The following CLSTN2 variants were observed in gnomAD, a reference collection of about 807,000 sequenced individuals.
CLSTN2 encodes calsyntenin-2.
In CLSTN2, 48 loss-of-function variants were observed where a neutral mutation model predicts 101.2. That is an observed-to-expected ratio of 0.47 (90% CI 0.38 to 0.60). The LOEUF is 0.60. Among genes scored for constraint, CLSTN2 ranks in the 20% least tolerant of loss-of-function variants. The pLI, the probability that CLSTN2 is intolerant of heterozygous loss-of-function variation, is 0.00. For missense variants in CLSTN2, 1,160 were observed against 1,238.2 expected (o/e 0.94, Z 0.95); for synonymous variants, 481 against 463.6 (o/e 1.04, Z -0.48).
At chr3:140,208,828 G>A (rs1021171997) in intron 2 of CLSTN2, among the ~76,000 whole-genome samples, 3 of 152,108 alleles carry the variant, frequency 2.0e-5, no homozygotes, top group Admixed American at 2.0e-4. Context: ...CTGTACTCAG[G>A]GGGTAGTTGG....
rs1163491941 is a variant in CLSTN2 at position 140,532,327 on chromosome 3, T to C, written c.1348T>C (p.Cys450Arg). 1 of 1,590,528 alleles carries C rather than the reference T, an allele frequency of 6.3e-7. No individual in the cohort carries two copies. Among genetic ancestry groups the C allele is most frequent in the Non-Finnish European group, 8.6e-7 (1 of 1,167,278 alleles). ...AEFHWKLDQI[C>R]DKEWHYYVIN... is the part of the protein sequence containing the mutation. ...TGCTTCTCTTTCCTTTTCTTAGATTTGTGACAAAGAGTGGCACTACTATGT... is the reference window on the plus strand; with the variant it reads ...TGCTTCTCTTTCCTTTTCTTAGATTCGTGACAAAGAGTGGCACTACTATGT... Residue 450 changes from cysteine to arginine, a missense_variant, in exon 9 of 17, where the codon TGT becomes CGT. Physicochemically the swap from Cys to Arg is radical, Grantham distance 180 (BLOSUM62 -3). Coordinates refer to ENST00000458420, the MANE Select transcript of CLSTN2 (RefSeq NM_022131.3).
intron 1 of CLSTN2, among the ~76,000 whole-genome samples, chr3:140,068,431 T>C (rs1317318159): frequency 6.6e-6 from 1 of 152,264 alleles, no homozygotes; most frequent in African/African-American, 2.4e-5. Flanking sequence ...CTACTCCAGA[T>C]GGACTCAAAC....
At position 140,576,430 on chromosome 3, in the gene CLSTN2, A is replaced by G. The variant is rs951325605; in HGVS notation, c.*10177A>G. The G allele has an allele frequency of 3.3e-5, 5 of 152,214 alleles. No individual in the cohort carries two copies. The highest frequency in any genetic ancestry group is 1.2e-4 in the African/African-American group (5 of 41,446). The allele number at this position is 152,214 out of a possible 1,614,324, so 9.4% of individuals were successfully genotyped here. On this transcript the variant is annotated 3_prime_UTR_variant, in exon 17 of 17. Transcript: ENST00000458420. ...CACCTCCAGGCATGATTTTGTAACC[A>G]ATGTAAAGGTTCTGGGTTCAGCCAG...
intron 1 of CLSTN2, among the ~76,000 whole-genome samples, chr3:140,132,345 T>G (rs1407213798): frequency 6.6e-6 from 1 of 152,198 alleles, no homozygotes; most frequent in Non-Finnish European, 1.5e-5. Context: ...CTAATGCAAG[T>G]AACCTCACTT....
chr3:139,952,625 G>A (rs1181726325), intron 1 of CLSTN2, among the ~76,000 whole-genome samples: 1 of 152,126 alleles, frequency 6.6e-6, no homozygotes, highest in African/African-American at 2.4e-5. Flanking sequence ...CCAGACAAAA[G>A]TATTTCTAAA....
intron 2 of CLSTN2, among the ~76,000 whole-genome samples, chr3:140,273,650 C>A (rs1225267323): frequency 6.6e-6 from 1 of 152,102 alleles, no homozygotes; most frequent in Non-Finnish European, 1.5e-5. Context: ...TAAATGGATG[C>A]TAGTTTTTGA....
chr3:140,422,619 A>C (rs968687586), intron 5 of CLSTN2, among the ~76,000 whole-genome samples: 1 of 152,234 alleles, frequency 6.6e-6, no homozygotes, highest in African/African-American at 2.4e-5. Context: ...CAGGTAAGGC[A>C]CATGAGAGGT....
intron 1 of CLSTN2, among the ~76,000 whole-genome samples, chr3:140,148,084 A>G (rs533493696): frequency 5.3e-5 from 8 of 152,228 alleles, no homozygotes; most frequent in Non-Finnish European, 8.8e-5. Context: ...GGATTAAAGT[A>G]GGGATGGAGG....
intron 6 of CLSTN2, among the ~76,000 whole-genome samples, 157 bp from the exon 7 acceptor site, chr3:140,459,364 A>G (rs1933497852): frequency 6.6e-6 from 1 of 152,258 alleles, no homozygotes; most frequent in Non-Finnish European, 1.5e-5. Context: ...GGGCTGGAAC[A>G]GCATTTAGCA....
chr3:139,941,676 G>A (rs1180427095), intron 1 of CLSTN2, among the ~76,000 whole-genome samples: 2 of 152,190 alleles, frequency 1.3e-5, no homozygotes, highest in South Asian at 2.1e-4. Context: ...GGGTGGGTAG[G>A]CATTGGGTAA....
chr3:140,153,555 T>C (rs539399405), intron 1 of CLSTN2, among the ~76,000 whole-genome samples: 1 of 152,300 alleles, frequency 6.6e-6, no homozygotes, highest in East Asian at 1.9e-4. Context: ...TTGTAGACAG[T>C]GGGGGACGGG....
chr3:140,484,812 A>G (rs1030891549), intron 8 of CLSTN2, among the ~76,000 whole-genome samples: 9 of 152,070 alleles, frequency 5.9e-5, no homozygotes, highest in African/African-American at 1.9e-4. Flanking sequence ...CAGCTCCATC[A>G]GGTCATTTAA....
At chr3:140,486,287 G>A (rs1934241204) in intron 8 of CLSTN2, among the ~76,000 whole-genome samples, 1 of 149,776 alleles carries the variant, frequency 6.7e-6, no homozygotes, top group Non-Finnish European at 1.5e-5. Flanking sequence ...AAAGAGCATT[G>A]GAAATGGTAA....
intron 9 of CLSTN2, among the ~76,000 whole-genome samples, chr3:140,541,454 C>T (rs920535865): frequency 1.3e-5 from 2 of 152,180 alleles, no homozygotes; most frequent in African/African-American, 4.8e-5. Flanking sequence ...GAGTTTTCAG[C>T]GGAGCCTCCA....
chr3:139,989,917 T>G (rs149772943), intron 1 of CLSTN2, among the ~76,000 whole-genome samples: 2 of 152,376 alleles, frequency 1.3e-5, no homozygotes, highest in Non-Finnish European at 2.9e-5. Context: ...TGTCACTTTA[T>G]GCACAAATTT....
chr3:140,041,877 CTG>C (rs1197568253), intron 1 of CLSTN2, among the ~76,000 whole-genome samples: 2 of 152,154 alleles, frequency 1.3e-5, no homozygotes, highest in African/African-American at 4.8e-5. Context: ...TGAGACAAAC[CTG>C]TGTGAGGAGG....
At chr3:140,046,789 C>G (rs1167801853) in intron 1 of CLSTN2, among the ~76,000 whole-genome samples, 1 of 151,912 alleles carries the variant, frequency 6.6e-6, no homozygotes, top group Non-Finnish European at 1.5e-5. Context: ...GTTTGGACAG[C>G]TTTGGTTTCA....
At chr3:140,221,407 T>C (rs1317028412) in intron 2 of CLSTN2, among the ~76,000 whole-genome samples, 1 of 152,158 alleles carries the variant, frequency 6.6e-6, no homozygotes, top group Admixed American at 6.5e-5. Flanking sequence ...CATATTACAT[T>C]TTTAAATTCT....
At chr3:140,160,590 G>A (rs1262081704) in intron 1 of CLSTN2, among the ~76,000 whole-genome samples, 1 of 151,744 alleles carries the variant, frequency 6.6e-6, no homozygotes, top group East Asian at 1.9e-4. Flanking sequence ...ACTGTCTGCC[G>A]ATTTCTTTTA....
Sources: allele counts gnomAD v4.1 joint callset (sites outside exome capture counted in the v4.1 genomes callset), GRCh38; gene constraint gnomAD v4.1.1; transcripts MANE v1.5; gene names NCBI Gene and HGNC (gene_info 2026-07-23, HGNC 2026-07-21).